TAFA1: variants seen among roughly 807,000 people sequenced by gnomAD.
TAFA1 encodes the protein chemokine-like protein TAFA-1.
TAFA1 carries 4 observed loss-of-function variants against 18.5 expected under a neutral mutation model. That is an observed-to-expected ratio of 0.22 (90% CI 0.11 to 0.49). The LOEUF (loss-of-function observed/expected upper bound fraction) is 0.49. TAFA1 is among the 20% of genes least tolerant of loss of function. The pLI is 0.98. For synonymous variants in TAFA1, 56 were observed against 55.2 expected, an observed-to-expected ratio of 1.01 and a Z score of -0.06; for missense variants, 147 against 169.0, an observed-to-expected ratio of 0.87 and a Z score of 0.72.
At chr3:68,036,276 T>C (rs760604438) in intron 2 of TAFA1, among the ~76,000 whole-genome samples, 3 of 151,872 alleles carry the variant, frequency 2.0e-5, no homozygotes, top group Non-Finnish European at 2.9e-5. Flanking sequence ...CCATCTCTAC[T>C]AAAAATACAA....
intron 2 of TAFA1, among the ~76,000 whole-genome samples, chr3:68,285,447 C>CAT (rs151071596): frequency 0.023 from 3,466 of 151,606 alleles, 136 homozygotes; most frequent in African/African-American, 0.08. Flanking sequence ...TTTCAAAAAA[C>CAT]ATATATATAT....
chr3:68,536,863 A>G (rs1291443496), intron 3 of TAFA1, among the ~76,000 whole-genome samples: 1 of 152,130 alleles, frequency 6.6e-6, no homozygotes, highest in Non-Finnish European at 1.5e-5. Flanking sequence ...ATCATATTAA[A>G]CATATTAAAA....
intron 3 of TAFA1, among the ~76,000 whole-genome samples, chr3:68,483,192 A>G (rs765751344): frequency 2.2e-4 from 34 of 152,206 alleles, no homozygotes; most frequent in Non-Finnish European, 3.1e-4. Flanking sequence ...GAGACAGAGA[A>G]GGCCCAACTC....
intron 3 of TAFA1, among the ~76,000 whole-genome samples, chr3:68,470,474 TCCTAGAGA>T (rs2071977038): frequency 6.6e-6 from 1 of 152,158 alleles, no homozygotes; most frequent in African/African-American, 2.4e-5. Context: ...GTCTGGAACT[TCCTAGAGA>T]CTTGTTGAAT....
At chr3:68,478,567 AT>A (rs1233733321) in intron 3 of TAFA1, among the ~76,000 whole-genome samples, 1 of 152,174 alleles carries the variant, frequency 6.6e-6, no homozygotes, top group East Asian at 1.9e-4. Context: ...TTTCTGTGCC[AT>A]CGTAGTTTAT....
intron 2 of TAFA1, among the ~76,000 whole-genome samples, chr3:68,339,198 T>C (rs1162549065): frequency 6.6e-6 from 1 of 152,270 alleles, no homozygotes; most frequent in African/African-American, 2.4e-5. Flanking sequence ...ATAGTCACCC[T>C]TCCTTTTCTT....
intron 3 of TAFA1, among the ~76,000 whole-genome samples, chr3:68,420,690 G>T (rs1423067374): frequency 6.6e-6 from 1 of 152,122 alleles, no homozygotes; most frequent in African/African-American, 2.4e-5. Context: ...GTGGGTAGAG[G>T]CCATGAATCC....
intron 3 of TAFA1, among the ~76,000 whole-genome samples, chr3:68,449,931 C>T (rs577499463): frequency 6.6e-6 from 1 of 152,346 alleles, no homozygotes; most frequent in African/African-American, 2.4e-5. Context: ...GCTCTTCTCA[C>T]TCACAGGACC....
intron 2 of TAFA1, among the ~76,000 whole-genome samples, chr3:68,350,259 G>T (rs1473590253): frequency 6.6e-6 from 1 of 152,066 alleles, no homozygotes; most frequent in African/African-American, 2.4e-5. Context: ...TTAATGTTCT[G>T]CACAAATCCA....
chr3:68,268,817 A>T (rs2067600599), intron 2 of TAFA1, among the ~76,000 whole-genome samples: 1 of 152,122 alleles, frequency 6.6e-6, no homozygotes, highest in African/African-American at 2.4e-5. Flanking sequence ...TCAGTTGGGT[A>T]ATCATGATAA....
chr3:68,146,011 G>A (rs890846964), intron 2 of TAFA1, among the ~76,000 whole-genome samples: 3 of 152,046 alleles, frequency 2.0e-5, no homozygotes, highest in Non-Finnish European at 4.4e-5. Flanking sequence ...CACAACCCTG[G>A]ATTTTATCAG....
intron 2 of TAFA1, among the ~76,000 whole-genome samples, chr3:68,101,021 A>G (rs1424848937): frequency 6.6e-6 from 1 of 152,104 alleles, no homozygotes; most frequent in Non-Finnish European, 1.5e-5. Context: ...TTTAATTTTT[A>G]TTTTAAGTTC....
At chr3:68,186,499 G>A (rs1218308166) in intron 2 of TAFA1, among the ~76,000 whole-genome samples, 3 of 152,076 alleles carry the variant, frequency 2.0e-5, no homozygotes, top group Non-Finnish European at 4.4e-5. Context: ...GAGAACTGAA[G>A]TTAGACTTTT....
At chr3:68,345,837 G>A (rs980354574) in intron 2 of TAFA1, among the ~76,000 whole-genome samples, 3 of 152,142 alleles carry the variant, frequency 2.0e-5, no homozygotes, top group African/African-American at 7.2e-5. Flanking sequence ...AGGAAAGGGT[G>A]GATGAAAAGA....
intron 2 of TAFA1, among the ~76,000 whole-genome samples, chr3:68,066,791 G>A (rs1277646685): frequency 6.6e-6 from 1 of 152,052 alleles, no homozygotes; most frequent in African/African-American, 2.4e-5. Flanking sequence ...GGATAACCTG[G>A]GACTAAGATC....
At chr3:68,380,281 G>C (rs144764315) in intron 2 of TAFA1, among the ~76,000 whole-genome samples, 3,216 of 152,076 alleles carry the variant, frequency 0.021, 108 homozygotes, top group African/African-American at 0.069. Flanking sequence ...GGGTATATAC[G>C]CAGTAATGGG....
chr3:68,164,661 G>GTGTGTGTGT (rs57966288), intron 2 of TAFA1, among the ~76,000 whole-genome samples: 2 of 151,022 alleles, frequency 1.3e-5, no homozygotes, highest in African/African-American at 2.4e-5. Context: ...GTGTGTGTGT[G>GTGTGTGTGT]GGAGGTAGTT....
intron 4 of TAFA1, among the ~76,000 whole-genome samples, chr3:68,539,430 A>C (rs1402226616): frequency 6.6e-6 from 1 of 151,982 alleles, no homozygotes; most frequent in Non-Finnish European, 1.5e-5. Context: ...CAAACCATCA[A>C]AATTGGCACC....
chr3:68,541,136 C>T (rs950789307), intron 4 of TAFA1, among the ~76,000 whole-genome samples: 3 of 152,216 alleles, frequency 2.0e-5, no homozygotes, highest in Admixed American at 2.0e-4. Flanking sequence ...GCCATGTGAG[C>T]TGCACATCAG....
Sources: gnomAD v4.1 joint callset for allele counts (sites outside exome capture counted in the v4.1 genomes callset) on GRCh38, gnomAD v4.1.1 for gene constraint, MANE v1.5 for transcripts, NCBI Gene and HGNC (gene_info 2026-07-23, HGNC 2026-07-21) for gene names.